The following BAIAP2 variants were observed in gnomAD, a reference collection of about 807,000 sequenced individuals.
The protein encoded by BAIAP2 is BAR/IMD domain containing adaptor protein 2.
Under a neutral mutation model 63.0 loss-of-function variants are expected in BAIAP2, and 18 were observed. That is an observed-to-expected ratio of 0.29 (90% CI 0.20 to 0.42). BAIAP2 has a LOEUF of 0.42. BAIAP2 is among the 10% of genes least tolerant of loss of function. The pLI is 1.00. For synonymous variants in BAIAP2, 386 were observed against 307.6 expected (o/e 1.25, Z -2.67); for missense variants, 610 against 734.3 (o/e 0.83, Z 1.96).
chr17:81,048,914 TGAGGGGAAGCCTTCCATGGCGTGTGTGG>T (rs2048239508), intron 1 of BAIAP2, among the ~76,000 whole-genome samples: 1 of 152,146 alleles, frequency 6.6e-6, no homozygotes, highest in African/African-American at 2.4e-5. Context: ...ATGCGTCCTA[TGAGGGGAAGCCTTCCATGGCGTGTGTGG>T]GAGCCCCTCG....
At chr17:81,097,236 T>TTTC (rs2057779833) in intron 6 of BAIAP2, among the ~76,000 whole-genome samples, 1 of 152,024 alleles carries the variant, frequency 6.6e-6, no homozygotes, top group African/African-American at 2.4e-5. Context: ...GGGTTTAGTG[T>TTTC]GGGAAAGCAG....
chr17:81,047,219 G>A (rs1442722935), intron 1 of BAIAP2, among the ~76,000 whole-genome samples: 3 of 152,184 alleles, frequency 2.0e-5, no homozygotes, highest in Non-Finnish European at 4.4e-5. Context: ...GAGAGGGACC[G>A]GGCTGGCTGT....
intron 1 of BAIAP2, among the ~76,000 whole-genome samples, chr17:81,043,142 C>T (rs1305270250): frequency 6.6e-6 from 1 of 152,206 alleles, no homozygotes; most frequent in African/African-American, 2.4e-5. Flanking sequence ...GCTGGGATTA[C>T]AGGCGTGAGC....
rs149109990 is a variant in BAIAP2 at position 81,038,736 on chromosome 17, C to T, written c.54+3428C>T. ...GAGCACACTGCCGGCTTTTCTGCTC[C>T]GTGCCCGGCTGCCCGGGCCTGGCTG... On this transcript the variant is annotated intron_variant, in intron 1 of 13. Coordinates refer to ENST00000428708, the MANE Select transcript of BAIAP2 (RefSeq NM_001144888.2). 4.0e-3 allele frequency among the ~76,000 whole-genome samples: 605 copies of T among 152,338 alleles called. 1 individual carries two copies. Among genetic ancestry groups the T allele is most frequent in the African/African-American group, 5.2e-3 (218 of 41,570 alleles).
intron 1 of BAIAP2, among the ~76,000 whole-genome samples, chr17:81,051,251 A>G (rs928793545): frequency 6.6e-6 from 1 of 151,964 alleles, no homozygotes; most frequent in African/African-American, 2.4e-5. Context: ...GTCCCTTTAG[A>G]TCAGAGGCCT....
At position 81,106,914 on chromosome 17, in the gene BAIAP2, G is replaced by A. The variant is rs750405572; in HGVS notation, c.1500+7G>A. ...CGTGCCCGCCTTCTCCCAGGTCAGT[G>A]GGCGGGGCCGGGGCTGGGAGGGGCC... On this transcript the variant is annotated splice_region_variant and intron_variant, in intron 12 of 13. Transcript: ENST00000428708. 11 of 1,508,252 alleles carry A rather than the reference G, an allele frequency of 7.3e-6. No individual in the cohort carries two copies. The highest frequency in any genetic ancestry group is 3.7e-4 in the Middle Eastern group (2 of 5,366). The allele number at this position is 1,508,252 out of a possible 1,614,324, so 93.4% of individuals were successfully genotyped here.
intron 1 of BAIAP2, among the ~76,000 whole-genome samples, chr17:81,036,256 T>A (rs2046247975): frequency 6.6e-6 from 1 of 152,164 alleles, no homozygotes; most frequent in African/African-American, 2.4e-5. Flanking sequence ...CTGCTCTGGG[T>A]GTCCCTGGGT....
intron 13 of BAIAP2, chr17:81,109,715 C>T (rs772899198): frequency 1.0e-6 from 1 of 985,398 alleles, no homozygotes; most frequent in Non-Finnish European, 1.2e-6. Context: ...GGCACAGTGG[C>T]CTCACCTCCC....
chr17:81,075,523 T>G (rs537597833), intron 3 of BAIAP2, among the ~76,000 whole-genome samples: 55 of 151,514 alleles, frequency 3.6e-4, no homozygotes, highest in Non-Finnish European at 7.1e-4. Context: ...AGTTAATCCT[T>G]CTCGTTCATC....
intron 7 of BAIAP2, among the ~76,000 whole-genome samples, chr17:81,101,717 C>T (rs2058513552): frequency 6.6e-6 from 1 of 152,262 alleles, no homozygotes; most frequent in African/African-American, 2.4e-5. Flanking sequence ...AAGTGCTCTT[C>T]CCTCCCTGGA....
At position 81,103,518 on chromosome 17, in the gene BAIAP2, C is replaced by T. The variant is rs745320058; in HGVS notation, c.659C>T (p.Ala220Val). 3.8e-6 allele frequency: 6 copies of T among 1,579,514 alleles called. No homozygotes were observed. Among genetic ancestry groups the T allele is most frequent in the East Asian group, 4.6e-5 (2 of 43,616 alleles). Reference protein sequence around the residue: ...AYHSKGKELLAQKLPLWQQAC... With the variant: ...AYHSKGKELLVQKLPLWQQAC... ...CCACTTCAGGGCAAGGAGCTGCTGGCGCAGAAGCTGCCGCTGTGGCAACAG... is the reference window on the plus strand; with the variant it reads ...CCACTTCAGGGCAAGGAGCTGCTGGTGCAGAAGCTGCCGCTGTGGCAACAG... Residue 220 changes from alanine (A) to valine (V), a missense_variant, in exon 8 of 14, where the codon GCG becomes GTG. This residue lies in a region of BAIAP2 where 389 missense variants were observed against 455.6 expected (regional missense o/e 0.85). Coordinates refer to ENST00000428708, the MANE Select transcript of BAIAP2 (RefSeq NM_001144888.2).
intron 13 of BAIAP2, among the ~76,000 whole-genome samples, chr17:81,110,757 C>T (rs886442329): frequency 1.3e-5 from 2 of 152,228 alleles, no homozygotes; most frequent in Non-Finnish European, 2.9e-5. Flanking sequence ...GCTCCGCAGG[C>T]GCCGTCCAGG....
intron 6 of BAIAP2, among the ~76,000 whole-genome samples, chr17:81,093,245 C>A (rs1296977336): frequency 6.6e-6 from 1 of 152,170 alleles, no homozygotes; most frequent in Non-Finnish European, 1.5e-5. Flanking sequence ...CAGAATCGCA[C>A]TGGGCATGGG....
chr17:81,096,665 G>GAA (rs1389937450), intron 6 of BAIAP2, among the ~76,000 whole-genome samples: 1 of 152,264 alleles, frequency 6.6e-6, no homozygotes, highest in Admixed American at 6.5e-5. Flanking sequence ...TGAAGGTCAG[G>GAA]AAAGGAGTCC....
intron 3 of BAIAP2, among the ~76,000 whole-genome samples, chr17:81,072,889 TTGTC>T (rs1199629072): frequency 2.6e-5 from 4 of 152,126 alleles, no homozygotes; most frequent in South Asian, 2.1e-4. Context: ...ACGGACCTCA[TTGTC>T]TGTGGTCATG....
At chr17:81,099,200 G>A (rs1430188623) in intron 6 of BAIAP2, among the ~76,000 whole-genome samples, 3 of 79,408 alleles carry the variant, frequency 3.8e-5, no homozygotes, top group African/African-American at 1.0e-4. Flanking sequence ...TCCGCTCGGT[G>A]ACCTCTTGTC....
In BAIAP2 at chr17:81,100,057, A is replaced by G. The variant is rs2058277187; in HGVS notation, c.619A>G (p.Asn207Asp). ...LVEKQCAVAK[N>D]SAAYHSKGKE... ...GGAGAAGCAGTGCGCCGTGGCCAAG[A>G]ACTCCGCGGCCTACCACTCCAAGGT... is the stretch of plus-strand genomic sequence containing the variant. The change falls in exon 7 of 14, where the codon AAC becomes GAC. Residue 207 changes from asparagine to aspartate, a missense_variant. This residue lies in a region of BAIAP2 where 389 missense variants were observed against 455.6 expected (regional missense o/e 0.85). Coordinates refer to ENST00000428708, the MANE Select transcript of BAIAP2 (RefSeq NM_001144888.2). The G allele has an allele frequency of 6.2e-7, 1 of 1,611,548 alleles. No homozygotes were observed.
intron 3 of BAIAP2, among the ~76,000 whole-genome samples, chr17:81,063,232 G>A (rs576112611): frequency 2.7e-4 from 41 of 152,304 alleles, no homozygotes; most frequent in African/African-American, 9.4e-4. Context: ...GGGAGGGGAG[G>A]CAGGGCTTTG....
chr17:81,116,205 A>G lies in BAIAP2; in HGVS notation c.*366A>G, dbSNP rs1046839148. 1.2e-5 allele frequency: 20 copies of G among 1,608,860 alleles called. No homozygotes were observed. The highest frequency in any genetic ancestry group is 1.7e-4 in the Middle Eastern group (1 of 6,048). ...GGCTGCCCTGCTGCTTCTCCTGCCTAATAAACAGGCTTCTCCTGCACCAGG... is the reference window on the plus strand; with the variant it reads ...GGCTGCCCTGCTGCTTCTCCTGCCTGATAAACAGGCTTCTCCTGCACCAGG... On this transcript the variant is annotated 3_prime_UTR_variant, in exon 14 of 14. Coordinates refer to ENST00000428708, the MANE Select transcript of BAIAP2 (RefSeq NM_001144888.2).
Sources: gnomAD v4.1 joint callset for allele counts (sites outside exome capture counted in the v4.1 genomes callset) on GRCh38, gnomAD v4.1.1 for gene constraint, gnomAD v4.1.1 regional missense constraint, MANE v1.5 for transcripts, NCBI Gene and HGNC (gene_info 2026-07-23, HGNC 2026-07-21) for gene names.